ERG: variants seen among roughly 807,000 people sequenced by gnomAD.
The protein encoded by ERG is transcriptional regulator ERG.
In ERG, 9 loss-of-function variants were observed where a neutral mutation model predicts 55.3. The observed-to-expected ratio is 0.16, with a 90% CI of 0.10 to 0.28. The LOEUF is 0.28. Ranked by LOEUF, ERG falls within the 10% of genes least tolerant of loss-of-function variation. The probability of loss-of-function intolerance (pLI) is 1.00; values close to 1 mark genes in which losing one functional copy is unlikely to be tolerated. For synonymous variants in ERG, 223 were observed against 237.3 expected, an observed-to-expected ratio of 0.94 and a Z score of 0.55; for missense variants, 434 against 631.6, an observed-to-expected ratio of 0.69 and a Z score of 3.35.
At chr21:38,551,860 T>C (rs892327833) in intron 2 of ERG, among the ~76,000 whole-genome samples, 8 of 152,190 alleles carry the variant, frequency 5.3e-5, no homozygotes, top group Admixed American at 3.9e-4. Context: ...TAGGTCCATT[T>C]GGTCAAGTGT....
rs546751185 is a variant in ERG, at chr21:38,478,632, G to C, written c.18+19731C>G. Among the ~76,000 whole-genome samples the C allele has an allele frequency of 3.9e-5, 6 of 152,298 alleles. 1 individual carries two copies. Among genetic ancestry groups the C allele is most frequent in the African/African-American group, 1.2e-4 (5 of 41,570 alleles). ...AAGACAATCTTGCAGAGCCCTCATG[G>C]TCAGTGATAAGAGGAACTTCAATTT... On this transcript the variant is annotated intron_variant, in intron 1 of 9. Transcript: ENST00000288319.
At chr21:38,619,008 G>A (rs1239275611) in intron 1 of ERG, among the ~76,000 whole-genome samples, 5 of 152,152 alleles carry the variant, frequency 3.3e-5, no homozygotes, top group Non-Finnish European at 5.9e-5. Flanking sequence ...TTCAACCAGG[G>A]TCATGCAAAG....
At chr21:38,465,662 G>A (rs1478615440) in intron 1 of ERG, among the ~76,000 whole-genome samples, 5 of 152,176 alleles carry the variant, frequency 3.3e-5, no homozygotes, top group Admixed American at 3.3e-4. Flanking sequence ...GGCAGCAGGT[G>A]TATGGAAATC....
chr21:38,385,141 A>G (rs1374434126), intron 9 of ERG, among the ~76,000 whole-genome samples: 1 of 152,256 alleles, frequency 6.6e-6, no homozygotes, highest in African/African-American at 2.4e-5. Context: ...ATCTAGGCAC[A>G]TCATTCTAGC....
At chr21:38,367,447 T>C in the ERG span, among the ~76,000 whole-genome samples, 2 of 152,136 alleles carry the variant, frequency 1.3e-5, no homozygotes, top group Non-Finnish European at 2.9e-5. Flanking sequence ...GGCTGGAGAA[T>C]TGGCTTTTGA....
At chr21:38,632,550 C>T (rs777274910) in intron 1 of ERG, among the ~76,000 whole-genome samples, 79 of 152,066 alleles carry the variant, frequency 5.2e-4, no homozygotes, top group Non-Finnish European at 9.7e-4. Flanking sequence ...GTGTTGTTCT[C>T]GTGATAGTGA....
intron 5 of ERG, 93 bp downstream of exon 5, chr21:38,402,464 C>T: frequency 1.1e-6 from 1 of 873,850 alleles, no homozygotes; most frequent in Non-Finnish European, 1.8e-6. Context: ...TTCTGTCTTC[C>T]TGGCACGCGC....
intron 1 of ERG, among the ~76,000 whole-genome samples, chr21:38,647,815 C>G (rs1233250143): frequency 6.6e-6 from 1 of 152,162 alleles, no homozygotes; most frequent in African/African-American, 2.4e-5. Flanking sequence ...GTCACATACA[C>G]GTCACCTCCT....
intron 1 of ERG, among the ~76,000 whole-genome samples, chr21:38,649,861 C>A (rs1393104079): frequency 6.6e-6 from 1 of 152,206 alleles, no homozygotes; most frequent in Admixed American, 6.5e-5. Context: ...TTTGTCCTTA[C>A]GTGACCCTAC....
intron 3 of ERG, among the ~76,000 whole-genome samples, chr21:38,413,612 C>G (rs1989153898): frequency 6.6e-6 from 1 of 152,122 alleles, no homozygotes; most frequent in African/African-American, 2.4e-5. Flanking sequence ...TTTTGTTAGG[C>G]TCTAAACATA....
At chr21:38,550,506 C>G (rs1455971485) in intron 2 of ERG, among the ~76,000 whole-genome samples, 1 of 152,124 alleles carries the variant, frequency 6.6e-6, no homozygotes, top group Non-Finnish European at 1.5e-5. Context: ...AAAAGGGACC[C>G]CAGGGAGATT....
Position 38,381,344 on chromosome 21 carries a change from T to C in ERG, c.*2059A>G. On this transcript the variant is annotated 3_prime_UTR_variant, in exon 10 of 10. Transcript: ENST00000288319. ...TGAGTTGCCTTCACCTGGACCAAGGTTGGCAGCATTTGTGATTCAAAGAAA... is the reference window on the plus strand; with the variant it reads ...TGAGTTGCCTTCACCTGGACCAAGGCTGGCAGCATTTGTGATTCAAAGAAA... The C allele has an allele frequency of 1.9e-6, 2 of 1,064,124 alleles. No individual in the cohort carries two copies. Among genetic ancestry groups the C allele is most frequent in the Non-Finnish European group, 2.3e-6 (2 of 878,594 alleles). 65.9% of individuals were successfully genotyped at this position (1,064,124 alleles called of 1,614,324 possible).
At chr21:38,378,737 A>G (rs1769631132), downstream of ERG, among the ~76,000 whole-genome samples, 1 of 152,202 alleles carries the variant, frequency 6.6e-6, no homozygotes, top group Non-Finnish European at 1.5e-5. Context: ...CTCGTTTGTG[A>G]CCTGTTTCAG....
At chr21:38,385,628 C>A (rs1987661070) in intron 9 of ERG, among the ~76,000 whole-genome samples, 1 of 152,204 alleles carries the variant, frequency 6.6e-6, no homozygotes, top group Non-Finnish European at 1.5e-5. Flanking sequence ...CATTTTCAGT[C>A]TAGCAACACA....
chr21:38,472,082 T>G (rs1164204930), intron 1 of ERG: 1 of 152,054 alleles, frequency 6.6e-6, no homozygotes, highest in African/African-American at 2.4e-5. Flanking sequence ...GAGTATTACC[T>G]GAAACAAAAG....
At chr21:38,435,440 C>T (rs1990404216) in intron 2 of ERG, among the ~76,000 whole-genome samples, 1 of 152,174 alleles carries the variant, frequency 6.6e-6, no homozygotes, top group South Asian at 2.1e-4. Context: ...TGGAGCTCAG[C>T]AGTGATTCAT....
intron 1 of ERG, among the ~76,000 whole-genome samples, chr21:38,580,182 T>C (rs1381696524): frequency 6.6e-6 from 1 of 152,180 alleles, no homozygotes; most frequent in Admixed American, 6.5e-5. Flanking sequence ...CTCGATCTCC[T>C]GACCTCGTGA....
intron 9 of ERG, among the ~76,000 whole-genome samples, chr21:38,388,542 T>C (rs187356630): frequency 1.3e-5 from 2 of 152,350 alleles, no homozygotes; most frequent in East Asian, 1.9e-4. Context: ...AGAAGCATTG[T>C]CATTAATACA....
intron 1 of ERG, among the ~76,000 whole-genome samples, chr21:38,578,712 G>A (rs1302833860): frequency 6.6e-6 from 1 of 152,076 alleles, no homozygotes; most frequent in Non-Finnish European, 1.5e-5. Context: ...CCCCAGACAT[G>A]GGAGGGAGGC....
Sources: allele counts gnomAD v4.1 joint callset (sites outside exome capture counted in the v4.1 genomes callset), GRCh38; gene constraint gnomAD v4.1.1; transcripts MANE v1.5; gene names NCBI Gene and HGNC (gene_info 2026-07-23, HGNC 2026-07-21).